SORCS1: variants seen among roughly 807,000 people sequenced by gnomAD.
SORCS1 encodes the protein sortilin related VPS10 domain containing receptor 1, also known as VPS10 domain-containing receptor SorCS1.
SORCS1 carries 60 observed loss-of-function variants against 146.1 expected under a neutral mutation model. The ratio of observed to expected loss-of-function variants is 0.41; its 90% CI spans 0.33 to 0.51. The LOEUF (loss-of-function observed/expected upper bound fraction) is 0.51, where lower values mean the gene tolerates loss of function less well. Ranked by LOEUF, SORCS1 falls within the 20% of genes least tolerant of loss-of-function variation. The probability of loss-of-function intolerance (pLI) is 0.21; values close to 1 mark genes in which losing one functional copy is unlikely to be tolerated. For missense variants in SORCS1, 1,352 were observed against 1,487.6 expected (o/e 0.91, Z 1.50); for synonymous variants, 637 against 584.0 (o/e 1.09, Z -1.31).
At chr10:106,978,303 C>G (rs1295071619) in intron 1 of SORCS1, among the ~76,000 whole-genome samples, 1 of 152,062 alleles carries the variant, frequency 6.6e-6, no homozygotes, top group African/African-American at 2.4e-5. Flanking sequence ...GAAAATATGA[C>G]TGAAAAGATA....
chr10:106,926,971 G>C (rs1245123712), intron 2 of SORCS1, among the ~76,000 whole-genome samples: 1 of 151,794 alleles, frequency 6.6e-6, no homozygotes, highest in East Asian at 1.9e-4. Context: ...TAAATAGAAA[G>C]AAAAACAATA....
At chr10:107,073,966 T>A (rs1590073528) in intron 1 of SORCS1, among the ~76,000 whole-genome samples, 1 of 152,162 alleles carries the variant, frequency 6.6e-6, no homozygotes, top group Admixed American at 6.5e-5. Flanking sequence ...TCCCACACTT[T>A]TACAGCTTCC....
rs149543714 is a variant in SORCS1, at chr10:106,675,988, A to T, written c.1833-832T>A. On this transcript the variant is annotated intron_variant, in intron 13 of 25. Transcript: ENST00000263054. ...CATCTCAACCTCCAGAACTACAAGA[A>T]ATTAATTTCCGTTGTTTATAAGCCA... Among the ~76,000 whole-genome samples, 169 of 152,302 alleles carry T rather than the reference A, an allele frequency of 1.1e-3. No homozygotes were observed. The Middle Eastern group carries it at 0.024, about 21-fold the overall frequency.
At chr10:106,679,215 T>G (rs1852255526) in intron 12 of SORCS1, 41 bp downstream of exon 12, 1 of 1,528,434 alleles carries the variant, frequency 6.5e-7, no homozygotes, top group Admixed American at 1.8e-5. Flanking sequence ...AATTTTTATG[T>G]TACTTAAACT....
At chr10:106,607,367 G>C in intron 22 of SORCS1, 70 bp from the exon 23 acceptor site, 3 of 1,585,366 alleles carry the variant, frequency 1.9e-6, no homozygotes, top group Non-Finnish European at 2.6e-6. Context: ...CAAGTATTTG[G>C]TGGGGGGATC....
intron 2 of SORCS1, among the ~76,000 whole-genome samples, chr10:106,859,646 G>A (rs113685426): frequency 2.6e-5 from 4 of 152,116 alleles, no homozygotes; most frequent in African/African-American, 9.7e-5. Context: ...GCCCACTTTG[G>A]CCTCCCAAAG....
intron 3 of SORCS1, among the ~76,000 whole-genome samples, chr10:106,797,064 G>A (rs767578840): frequency 9.2e-5 from 14 of 152,084 alleles, no homozygotes; most frequent in Non-Finnish European, 1.9e-4. Flanking sequence ...CCGGGATCAC[G>A]CCACTGCACT....
intron 1 of SORCS1, among the ~76,000 whole-genome samples, chr10:106,964,653 A>T (rs548084279): frequency 2.0e-5 from 3 of 151,730 alleles, no homozygotes; most frequent in Non-Finnish European, 2.9e-5. Context: ...CACCTGGCAA[A>T]TTTTTTATAT....
chr10:107,041,670 G>A (rs1346529672), intron 1 of SORCS1, among the ~76,000 whole-genome samples: 2 of 151,846 alleles, frequency 1.3e-5, no homozygotes, highest in Non-Finnish European at 2.9e-5. Context: ...ATTTTATATA[G>A]AGGCCCAGTA....
intron 3 of SORCS1, among the ~76,000 whole-genome samples, chr10:106,778,153 G>A (rs1589856154): frequency 6.6e-6 from 1 of 152,064 alleles, no homozygotes; most frequent in East Asian, 1.9e-4. Flanking sequence ...CAAAAGGATT[G>A]CATGCCAGAC....
At chr10:106,835,153 G>T (rs914068309) in intron 2 of SORCS1, among the ~76,000 whole-genome samples, 2 of 152,094 alleles carry the variant, frequency 1.3e-5, no homozygotes, top group Admixed American at 6.6e-5. Context: ...ATCTTTTTGA[G>T]GTGGCAAAAT....
At chr10:106,863,459 A>C (rs1393134954) in intron 2 of SORCS1, among the ~76,000 whole-genome samples, 1 of 150,870 alleles carries the variant, frequency 6.6e-6, no homozygotes, top group East Asian at 1.9e-4. Flanking sequence ...CAAGAGGCAG[A>C]GGTTGCAGTA....
At chr10:106,808,766 T>C (rs1029318531) in intron 3 of SORCS1, among the ~76,000 whole-genome samples, 6 of 152,124 alleles carry the variant, frequency 3.9e-5, no homozygotes, top group Admixed American at 6.5e-5. Flanking sequence ...CCTCCCAAGG[T>C]GTTGGGATTA....
At chr10:106,921,814 A>G (rs1315893968) in intron 2 of SORCS1, among the ~76,000 whole-genome samples, 1 of 152,172 alleles carries the variant, frequency 6.6e-6, no homozygotes, top group Non-Finnish European at 1.5e-5. Flanking sequence ...CTATCCTCCA[A>G]CTATTACAAA....
chr10:107,066,625 T>C (rs1564993969), intron 1 of SORCS1, among the ~76,000 whole-genome samples: 1 of 152,340 alleles, frequency 6.6e-6, no homozygotes, highest in East Asian at 1.9e-4. Context: ...GCTTTGACTC[T>C]CATCTTAAGA....
chr10:106,679,345 A>C lies in SORCS1; in HGVS notation c.1664-13T>G, dbSNP rs821929. 1,447,632 of 1,602,110 alleles carry C rather than the reference A, an allele frequency of 0.9. 657,942 individuals are homozygous for C. Among genetic ancestry groups the C allele is most frequent in the Non-Finnish European group, 0.93 (1,094,369 of 1,171,796 alleles). ...GAACCTATATTACCTAGAAAGAGAA[A>C]GGTGCCATTAGTGAAAAGAACTTTC... On this transcript the variant is annotated splice_polypyrimidine_tract_variant and intron_variant, in intron 11 of 25. Coordinates refer to ENST00000263054, the MANE Select transcript of SORCS1 (RefSeq NM_052918.5).
chr10:106,787,276 T>C (rs1347393654), intron 3 of SORCS1, among the ~76,000 whole-genome samples: 1 of 152,112 alleles, frequency 6.6e-6, no homozygotes, highest in East Asian at 1.9e-4. Context: ...AATAGGATAC[T>C]TAGTGTTCCC....
intron 19 of SORCS1, among the ~76,000 whole-genome samples, chr10:106,624,726 A>G (rs945234258): frequency 6.6e-6 from 1 of 152,262 alleles, no homozygotes; most frequent in Non-Finnish European, 1.5e-5. Context: ...CCTGAAATAC[A>G]TATGTGTTTG....
At chr10:106,824,769 G>A (rs950208065) in intron 3 of SORCS1, among the ~76,000 whole-genome samples, 2 of 152,150 alleles carry the variant, frequency 1.3e-5, no homozygotes, top group African/African-American at 2.4e-5. Flanking sequence ...AGTGTTTAAT[G>A]CTGGTATGTA....
Sources: gnomAD v4.1 joint callset for allele counts (sites outside exome capture counted in the v4.1 genomes callset) on GRCh38, gnomAD v4.1.1 for gene constraint, MANE v1.5 for transcripts, NCBI Gene and HGNC (gene_info 2026-07-23, HGNC 2026-07-21) for gene names.